The following ACACA variants were observed in gnomAD, a reference collection of about 807,000 sequenced individuals.
The protein encoded by ACACA is acetyl-CoA carboxylase 1.
Under a neutral mutation model 296.1 loss-of-function variants are expected in ACACA, and 103 were observed. The observed-to-expected ratio is 0.35, with a 90% CI of 0.30 to 0.41. The LOEUF (loss-of-function observed/expected upper bound fraction) is 0.41. Among genes scored for constraint, ACACA ranks in the 10% least tolerant of loss-of-function variants. The pLI is 1.00. For missense variants in ACACA, 1,554 were observed against 2,989.7 expected, an observed-to-expected ratio of 0.52 and a Z score of 11.20; for synonymous variants, 953 against 1,038.6, an observed-to-expected ratio of 0.92 and a Z score of 1.58.
intron 50 of ACACA, among the ~76,000 whole-genome samples, chr17:37,117,787 GA>G (rs2074328269): frequency 7.6e-6 from 1 of 131,530 alleles, no homozygotes; most frequent in Non-Finnish European, 1.5e-5. Flanking sequence ...CCGACTAGTA[GA>G]GTTTTTTTTT....
At chr17:37,143,283 C>CT (rs79160054) in intron 45 of ACACA, among the ~76,000 whole-genome samples, 1,572 of 137,390 alleles carry the variant, frequency 0.011, 9 homozygotes, top group Middle Eastern at 0.028. Context: ...ACAGCTGCAA[C>CT]TTTTTTTTTT....
chr17:37,099,755 C>T (rs1597812866), intron 52 of ACACA, among the ~76,000 whole-genome samples: 1 of 152,154 alleles, frequency 6.6e-6, no homozygotes, highest in East Asian at 1.9e-4. Flanking sequence ...TCTCAGAACA[C>T]CCTTGTTAGG....
intron 29 of ACACA, among the ~76,000 whole-genome samples, chr17:37,216,586 CAG>C (rs2079010010): frequency 6.6e-6 from 1 of 151,390 alleles, no homozygotes. Context: ...TACCAAAAAA[CAG>C]AGTAACCGCA....
intron 32 of ACACA, 74 bp from the exon 33 acceptor site, chr17:37,205,946 T>C: frequency 7.9e-7 from 1 of 1,260,452 alleles, no homozygotes; most frequent in Non-Finnish European, 1.2e-6. Flanking sequence ...TTATAATATT[T>C]GGTAGAATAC....
intron 19 of ACACA, 32 bp from the exon 20 acceptor site, chr17:37,245,246 A>C (rs757148380): frequency 6.2e-6 from 10 of 1,610,322 alleles, no homozygotes; most frequent in Middle Eastern, 1.9e-4. Context: ...ACTCAGATTT[A>C]TCTCTCTTTA....
chr17:37,181,639 C>T (rs2077321672), intron 39 of ACACA, among the ~76,000 whole-genome samples: 1 of 151,976 alleles, frequency 6.6e-6, no homozygotes, highest in Non-Finnish European at 1.5e-5. Flanking sequence ...GTGGCTCACG[C>T]CTGTAATCCC....
At chr17:37,136,546 T>C (rs1448136642) in intron 45 of ACACA, among the ~76,000 whole-genome samples, 1 of 152,120 alleles carries the variant, frequency 6.6e-6, no homozygotes, top group African/African-American at 2.4e-5. Flanking sequence ...AAGCCCAACC[T>C]TTTTCAAAGT....
chr17:37,260,287 TATATATA>T (rs1420788715), intron 11 of ACACA, among the ~76,000 whole-genome samples: 51 of 27,556 alleles, frequency 1.9e-3, no homozygotes, highest in East Asian at 5.0e-3. Flanking sequence ...TATATATATA[TATATATA>T]TATTTTTTTT....
chr17:37,315,992 C>G (rs1378292436), intron 3 of ACACA, among the ~76,000 whole-genome samples: 1 of 152,150 alleles, frequency 6.6e-6, no homozygotes, highest in Non-Finnish European at 1.5e-5. Context: ...CAGCCTGAAG[C>G]TATCCAGGGG....
At chr17:37,376,672 A>G (rs963648401) in intron 1 of ACACA, among the ~76,000 whole-genome samples, 2 of 152,132 alleles carry the variant, frequency 1.3e-5, no homozygotes, top group Non-Finnish European at 2.9e-5. Context: ...TAGCTAATCA[A>G]GGCTGGGCAC....
chr17:37,403,459 C>A (rs1440942795), intron 1 of ACACA, among the ~76,000 whole-genome samples: 1 of 151,212 alleles, frequency 6.6e-6, no homozygotes, highest in Non-Finnish European at 1.5e-5. Flanking sequence ...GCAGCCTCAA[C>A]CCTCTGGGCT....
intron 3 of ACACA, chr17:37,299,379 T>C: frequency 6.2e-7 from 1 of 1,613,680 alleles, no homozygotes; most frequent in Non-Finnish European, 8.5e-7. Context: ...ATTTCGGCCT[T>C]GTAAACACAA....
intron 27 of ACACA, 80 bp downstream of exon 27, chr17:37,224,912 C>CT: frequency 3.4e-6 from 2 of 588,658 alleles, no homozygotes; most frequent in Non-Finnish European, 5.4e-6. Flanking sequence ...TGACTAATTA[C>CT]TTAAACTATG....
intron 41 of ACACA, among the ~76,000 whole-genome samples, chr17:37,172,363 T>C (rs565165365): frequency 2.2e-4 from 34 of 152,224 alleles, no homozygotes; most frequent in African/African-American, 6.0e-4. Flanking sequence ...ACACCAATAA[T>C]AGTCATTCAG....
chr17:37,243,784 C>T (rs1394383078), intron 21 of ACACA, among the ~76,000 whole-genome samples: 2 of 152,136 alleles, frequency 1.3e-5, no homozygotes, highest in Non-Finnish European at 2.9e-5. Context: ...CTGAAAAAAT[C>T]CACATATAAG....
chr17:37,118,300 T>C (rs2143007492), intron 50 of ACACA, among the ~76,000 whole-genome samples: 1 of 152,148 alleles, frequency 6.6e-6, no homozygotes, highest in Non-Finnish European at 1.5e-5. Context: ...GGGTATAGAG[T>C]TTATGTTGAG....
intron 24 of ACACA, among the ~76,000 whole-genome samples, chr17:37,237,698 T>A (rs2080178271): frequency 6.6e-6 from 1 of 152,226 alleles, no homozygotes; most frequent in South Asian, 2.1e-4. Flanking sequence ...ATTCTCTAGA[T>A]ACTTCTAATT....
At chr17:37,260,343 A>C (rs2081455463) in intron 11 of ACACA, among the ~76,000 whole-genome samples, 1 of 115,066 alleles carries the variant, frequency 8.7e-6, no homozygotes, top group African/African-American at 3.3e-5. Context: ...TTTGTCACCC[A>C]CCCAGGATGG....
At chr17:37,251,919 C>G in intron 16 of ACACA, 86 bp downstream of exon 16, 3 of 1,256,902 alleles carry the variant, frequency 2.4e-6, no homozygotes, top group Non-Finnish European at 3.5e-6. Flanking sequence ...CAGGAATGGA[C>G]AGAAGAATAA....
Sources: allele counts gnomAD v4.1 joint callset (sites outside exome capture counted in the v4.1 genomes callset), GRCh38; gene constraint gnomAD v4.1.1; transcripts MANE v1.5; gene names NCBI Gene and HGNC (gene_info 2026-07-23, HGNC 2026-07-21).